The following NALF1 variants were observed in gnomAD, a reference collection of about 807,000 sequenced individuals.
NALF1 encodes family with sequence similarity 155 member A.
NALF1 carries 3 observed loss-of-function variants against 48.4 expected under a neutral mutation model. The observed-to-expected ratio is 0.06, with a 90% CI of 0.03 to 0.16. NALF1 has a LOEUF of 0.16. Among genes scored for constraint, NALF1 ranks in the 10% least tolerant of loss-of-function variants. The pLI is 1.00. For missense variants in NALF1, 526 were observed against 571.5 expected (o/e 0.92, Z 0.81); for synonymous variants, 262 against 245.7 (o/e 1.07, Z -0.62).
At chr13:107,732,789 T>G (rs966872604) in intron 1 of NALF1, among the ~76,000 whole-genome samples, 4 of 152,162 alleles carry the variant, frequency 2.6e-5, no homozygotes, top group African/African-American at 4.8e-5. Context: ...ATAAACCTAT[T>G]GCAAAGTACA....
intron 1 of NALF1, among the ~76,000 whole-genome samples, chr13:107,280,022 G>A (rs930015345): frequency 6.6e-6 from 1 of 151,776 alleles, no homozygotes; most frequent in Non-Finnish European, 1.5e-5. Context: ...GAACTCGTGA[G>A]CTCAACCGAT....
Position 107,765,793 on chromosome 13 carries a change from A to G in NALF1, c.915+99889T>C, listed in dbSNP as rs546730252. ...TAAGCTACTAAGTAAATAAATATTTAAAGTAATAAAGGTTACCTAGATTTT... is the reference window on the plus strand; with the variant it reads ...TAAGCTACTAAGTAAATAAATATTTGAAGTAATAAAGGTTACCTAGATTTT... On this transcript the variant is annotated intron_variant, in intron 1 of 2. Transcript: ENST00000375915. Among the ~76,000 whole-genome samples the G allele has an allele frequency of 7.9e-5, 12 of 152,286 alleles. No homozygotes were observed. The South Asian group carries it at 2.5e-3, about 32-fold the overall frequency.
rs1008743680 is a variant in NALF1, at chr13:107,644,260, T to C, written c.915+221422A>G. Among the ~76,000 whole-genome samples the C allele has an allele frequency of 5.9e-5, 9 of 152,190 alleles. No individual in the cohort carries two copies. The East Asian group carries it at 7.7e-4, about 13-fold the overall frequency. ...ATGATAGGTTTACACAGTTGTGTGA[T>C]AGCTTCTGTTGACATAAGGTTTACA... On this transcript the variant is annotated intron_variant, in intron 1 of 2. Coordinates refer to ENST00000375915, the MANE Select transcript of NALF1 (RefSeq NM_001080396.3).
At chr13:107,731,223 G>A (rs760406177) in intron 1 of NALF1, among the ~76,000 whole-genome samples, 7 of 152,090 alleles carry the variant, frequency 4.6e-5, no homozygotes, top group Non-Finnish European at 8.8e-5. Context: ...TTCACAAAGA[G>A]ATGATTAAAA....
At chr13:107,466,642 T>C (rs1240614685) in intron 1 of NALF1, 1 of 152,228 alleles carries the variant, frequency 6.6e-6, no homozygotes, top group Non-Finnish European at 1.5e-5. Flanking sequence ...GGAAATCTTA[T>C]AAAATCTTCA....
At chr13:107,683,033 A>G (rs1375484980) in intron 1 of NALF1, among the ~76,000 whole-genome samples, 1 of 152,142 alleles carries the variant, frequency 6.6e-6, no homozygotes, top group Non-Finnish European at 1.5e-5. Context: ...GAGGCTGAGG[A>G]GGGAGGATTG....
intron 2 of NALF1, among the ~76,000 whole-genome samples, chr13:107,195,634 G>A (rs1879373224): frequency 1.3e-5 from 2 of 152,142 alleles, no homozygotes; most frequent in South Asian, 2.1e-4. Context: ...AGATGAATAT[G>A]CATTTCTTAG....
At position 107,866,282 on chromosome 13, in the gene NALF1, C is replaced by G. The variant is rs1172598028; in HGVS notation, c.315G>C (p.Ala105=). 6.2e-7 allele frequency: 1 copy of G among 1,600,562 alleles called. No individual in the cohort carries two copies. ...AGGACTCCCCCATGCTCGCCAGGAG[C>G]GCGGGCCAGGAGGGCTCCTGCTGCC... is the stretch of plus-strand genomic sequence containing the variant. ...QRRQQEPSWP[A]LLASMGESSP... Residue 105 remains alanine (A), a synonymous_variant, in exon 1 of 3, where the codon GCG becomes GCC. Transcript: ENST00000375915. This position sits in a 1 kb window ranked among gnomAD's most constrained non-coding sequence, Gnocchi z 4.4.
At chr13:107,288,822 C>A (rs922991260) in intron 1 of NALF1, among the ~76,000 whole-genome samples, 6 of 152,044 alleles carry the variant, frequency 3.9e-5, no homozygotes, top group Admixed American at 2.6e-4. Flanking sequence ...TGGGAGCCAC[C>A]GCGCCCAGCC....
At chr13:107,303,541 G>C (rs1362677595) in intron 1 of NALF1, among the ~76,000 whole-genome samples, 2 of 152,104 alleles carry the variant, frequency 1.3e-5, no homozygotes, top group African/African-American at 4.8e-5. Context: ...GATCTGAAAT[G>C]TTTAAATCAG....
At chr13:107,316,232 A>T (rs1882147306) in intron 1 of NALF1, among the ~76,000 whole-genome samples, 1 of 152,102 alleles carries the variant, frequency 6.6e-6, no homozygotes. Context: ...TGAAATCATC[A>T]TTTTTTATGG....
chr13:107,603,518 A>C (rs910850736), intron 1 of NALF1, among the ~76,000 whole-genome samples: 1 of 152,210 alleles, frequency 6.6e-6, no homozygotes, highest in Non-Finnish European at 1.5e-5. Context: ...TTTTTAATAT[A>C]CCGAAGTATA....
chr13:107,747,288 T>TTC (rs1381861341), intron 1 of NALF1, among the ~76,000 whole-genome samples: 2 of 152,218 alleles, frequency 1.3e-5, no homozygotes, highest in Non-Finnish European at 2.9e-5. Flanking sequence ...TTTGCAAGTT[T>TTC]TCTTCTCCAT....
intron 1 of NALF1, among the ~76,000 whole-genome samples, chr13:107,380,892 G>A (rs1359880361): frequency 1.3e-5 from 2 of 150,274 alleles, no homozygotes; most frequent in East Asian, 3.9e-4. Flanking sequence ...GCAGGAGAAT[G>A]GCATGAACCT....
chr13:107,181,190 T>C (rs1461079643), intron 2 of NALF1, among the ~76,000 whole-genome samples: 3 of 151,634 alleles, frequency 2.0e-5, no homozygotes, highest in Non-Finnish European at 4.4e-5. Context: ...ATTCTGTTTG[T>C]TAGTGAATTG....
chr13:107,467,972 C>T (rs1429952183), intron 1 of NALF1, among the ~76,000 whole-genome samples: 1 of 149,228 alleles, frequency 6.7e-6, no homozygotes, highest in African/African-American at 2.5e-5. Flanking sequence ...GGCGTGAACC[C>T]GGGAGGCGGA....
intron 1 of NALF1, among the ~76,000 whole-genome samples, chr13:107,683,919 A>C (rs922233848): frequency 6.6e-6 from 1 of 152,230 alleles, no homozygotes; most frequent in African/African-American, 2.4e-5. Flanking sequence ...TGTATGGCCC[A>C]GATCTCCTGC....
intron 1 of NALF1, among the ~76,000 whole-genome samples, chr13:107,542,690 T>C (rs1295113658): frequency 6.6e-6 from 1 of 152,236 alleles, no homozygotes; most frequent in East Asian, 1.9e-4. Context: ...AAATGTAAAA[T>C]TAAAACAATA....
chr13:107,614,789 T>C (rs1324761623), intron 1 of NALF1, among the ~76,000 whole-genome samples: 3 of 151,850 alleles, frequency 2.0e-5, no homozygotes, highest in Admixed American at 2.0e-4. Context: ...TTTCTTTTCT[T>C]TTTTTGAAGA....
Sources: gnomAD v4.1 joint callset for allele counts (sites outside exome capture counted in the v4.1 genomes callset) on GRCh38, gnomAD v4.1.1 for gene constraint, Gnocchi (gnomAD v3.1) non-coding constraint, MANE v1.5 for transcripts, NCBI Gene and HGNC (gene_info 2026-07-23, HGNC 2026-07-21) for gene names.